PBX3: variants seen among roughly 807,000 people sequenced by gnomAD.
PBX3 encodes the protein pre-B-cell leukemia transcription factor 3.
A neutral mutation model predicts 48.5 loss-of-function variants in PBX3; 14 were observed. The observed-to-expected ratio is 0.29, with a 90% CI of 0.19 to 0.45. The LOEUF (loss-of-function observed/expected upper bound fraction) is 0.45. PBX3 is among the 20% of genes least tolerant of loss of function. PBX3 has a pLI of 1.00. For missense variants in PBX3, 386 were observed against 546.7 expected (o/e 0.71, Z 2.93); for synonymous variants, 210 against 200.3 (o/e 1.05, Z -0.41).
intron 2 of PBX3, among the ~76,000 whole-genome samples, chr9:125,785,446 T>C (rs1490565175): frequency 6.6e-6 from 1 of 152,218 alleles, no homozygotes; most frequent in African/African-American, 2.4e-5. Flanking sequence ...TTCCTGTCCT[T>C]GGACATCAGA....
chr9:125,871,729 A>G (rs1840130567), intron 2 of PBX3, among the ~76,000 whole-genome samples: 1 of 152,218 alleles, frequency 6.6e-6, no homozygotes, highest in East Asian at 1.9e-4. Context: ...GGTTAATTAA[A>G]TATATTACAA....
intron 2 of PBX3, among the ~76,000 whole-genome samples, chr9:125,855,177 A>C (rs1839688323): frequency 6.6e-6 from 1 of 152,208 alleles, no homozygotes; most frequent in African/African-American, 2.4e-5. Context: ...CATCTGCAAG[A>C]ACTTAAAACA....
intron 2 of PBX3, among the ~76,000 whole-genome samples, chr9:125,778,383 G>A (rs1273054822): frequency 2.0e-5 from 3 of 151,530 alleles, no homozygotes; most frequent in Non-Finnish European, 2.9e-5. Flanking sequence ...TCAGCCTCCC[G>A]AATAGCTGGG....
chr9:125,867,450 G>T (rs1310590109), intron 2 of PBX3, among the ~76,000 whole-genome samples: 2 of 151,570 alleles, frequency 1.3e-5, no homozygotes, highest in Non-Finnish European at 2.9e-5. Context: ...GACCAGCCTG[G>T]CCAACATAGT....
At chr9:125,862,300 A>G (rs1839879198) in intron 2 of PBX3, among the ~76,000 whole-genome samples, 1 of 152,232 alleles carries the variant, frequency 6.6e-6, no homozygotes, top group Admixed American at 6.5e-5. Context: ...AGCAACCAGC[A>G]TCAAAATTTC....
chr9:125,806,421 C>G (rs551427133), intron 2 of PBX3, among the ~76,000 whole-genome samples: 1 of 152,138 alleles, frequency 6.6e-6, no homozygotes, highest in Non-Finnish European at 1.5e-5. Context: ...GGGAGGTTCA[C>G]GATCAAGATG....
intron 2 of PBX3, among the ~76,000 whole-genome samples, chr9:125,887,727 ATTT>A (rs1469241660): frequency 6.6e-6 from 1 of 152,180 alleles, no homozygotes; most frequent in Non-Finnish European, 1.5e-5. Context: ...TATACATGAG[ATTT>A]TAAGTTCTTA....
At chr9:125,808,626 A>G (rs957232883) in intron 2 of PBX3, among the ~76,000 whole-genome samples, 3 of 152,178 alleles carry the variant, frequency 2.0e-5, no homozygotes, top group African/African-American at 7.2e-5. Flanking sequence ...TGATCATGCT[A>G]CTGCACTCCA....
chr9:125,938,859 T>C (rs1841896030), intron 5 of PBX3, among the ~76,000 whole-genome samples: 1 of 152,138 alleles, frequency 6.6e-6, no homozygotes, highest in South Asian at 2.1e-4. Flanking sequence ...TGTACTATGG[T>C]TATGTGAGAG....
intron 2 of PBX3, among the ~76,000 whole-genome samples, chr9:125,804,608 A>T (rs999545957): frequency 5.3e-5 from 8 of 152,208 alleles, no homozygotes; most frequent in African/African-American, 9.6e-5. Flanking sequence ...GATACAAATT[A>T]TGTGCCAGGC....
rs370647921 is a variant in PBX3, at chr9:125,753,563, A to G, written c.274+4940A>G. On this transcript the variant is annotated intron_variant, in intron 2 of 8. Transcript: ENST00000373489. Reference sequence around the variant, plus strand: ...CTTTATTTTTTTCTTCCCAATAAAAATGTATTGAACTCTCTTGTCAATACT... The same window carrying G: ...CTTTATTTTTTTCTTCCCAATAAAAGTGTATTGAACTCTCTTGTCAATACT... 4.6e-5 allele frequency among the ~76,000 whole-genome samples: 7 copies of G among 152,214 alleles called. 1 individual carries two copies. Among genetic ancestry groups the G allele is most frequent in the East Asian group, 3.9e-4 (2 of 5,184 alleles).
intron 2 of PBX3, among the ~76,000 whole-genome samples, chr9:125,788,931 T>C (rs534895706): frequency 9.2e-5 from 14 of 152,266 alleles, no homozygotes; most frequent in South Asian, 6.2e-4. Flanking sequence ...TTCCCTTCCT[T>C]TTTCTCTTTC....
intron 2 of PBX3, among the ~76,000 whole-genome samples, chr9:125,898,851 ATG>A (rs565113535): frequency 2.0e-5 from 3 of 151,822 alleles, no homozygotes; most frequent in Non-Finnish European, 2.9e-5. Context: ...AATTTTTTAA[ATG>A]AGTACAAATT....
At chr9:125,869,967 C>T (rs1840076832) in intron 2 of PBX3, among the ~76,000 whole-genome samples, 1 of 151,646 alleles carries the variant, frequency 6.6e-6, no homozygotes, top group Non-Finnish European at 1.5e-5. Flanking sequence ...AAAAGAGGTT[C>T]AGTGGACTCA....
chr9:125,769,871 T>G (rs1163193543), intron 2 of PBX3, among the ~76,000 whole-genome samples: 1 of 152,200 alleles, frequency 6.6e-6, no homozygotes, highest in Non-Finnish European at 1.5e-5. Flanking sequence ...TTCTGATTCT[T>G]TGACTTTTTT....
intron 2 of PBX3, among the ~76,000 whole-genome samples, chr9:125,758,390 C>T (rs767975571): frequency 6.6e-6 from 1 of 151,908 alleles, no homozygotes; most frequent in East Asian, 1.9e-4. Flanking sequence ...AGAATATTGA[C>T]ATGCCATCTA....
chr9:125,768,170 T>C (rs942304604), intron 2 of PBX3, among the ~76,000 whole-genome samples: 29 of 152,196 alleles, frequency 1.9e-4, no homozygotes, highest in African/African-American at 6.8e-4. Context: ...TGTTTTGTTA[T>C]TTCATGTTGC....
rs1840512000 is a variant in PBX3, at chr9:125,886,758, TGATA to T, written c.275-28924_275-28921del. Among the ~76,000 whole-genome samples, 8 of 152,214 alleles carry T rather than the reference TGATA, an allele frequency of 5.3e-5. No individual in the cohort carries two copies. The South Asian group carries it at 1.5e-3, about 28-fold the overall frequency. ...GATAACCTTTATTCATTTTTACCAC[TGATA>T]GATCAAGTATTGAGATAGTGACTGC... On this transcript the variant is annotated intron_variant, in intron 2 of 8. Coordinates refer to ENST00000373489, the MANE Select transcript of PBX3 (RefSeq NM_006195.6).
At chr9:125,895,779 G>A (rs982746436) in intron 2 of PBX3, among the ~76,000 whole-genome samples, 3 of 151,976 alleles carry the variant, frequency 2.0e-5, no homozygotes, top group African/African-American at 7.2e-5. Flanking sequence ...ATATTTTCAT[G>A]CATACAAAAT....
Sources: gnomAD v4.1 joint callset for allele counts (sites outside exome capture counted in the v4.1 genomes callset) on GRCh38, gnomAD v4.1.1 for gene constraint, MANE v1.5 for transcripts, NCBI Gene and HGNC (gene_info 2026-07-23, HGNC 2026-07-21) for gene names.